Variants in SGCZ observed in about 807,000 individuals in gnomAD.
The protein encoded by SGCZ is sarcoglycan zeta, also known as zeta-sarcoglycan.
A neutral mutation model predicts 41.3 loss-of-function variants in SGCZ; 40 were observed. The ratio of observed to expected loss-of-function variants is 0.97; its 90% CI spans 0.75 to 1.26. The LOEUF (loss-of-function observed/expected upper bound fraction) is 1.26. Among genes scored for constraint, SGCZ ranks in the 50% most tolerant of loss-of-function variants. The probability of loss-of-function intolerance (pLI) is 0.00; values close to 1 mark genes in which losing one functional copy is unlikely to be tolerated. For synonymous variants in SGCZ, 206 were observed against 137.5 expected, an observed-to-expected ratio of 1.50 and a Z score of -3.49; for missense variants, 552 against 369.8, an observed-to-expected ratio of 1.49 and a Z score of -4.04.
At chr8:14,449,077 A>C (rs1800516393) in intron 2 of SGCZ, among the ~76,000 whole-genome samples, 1 of 152,174 alleles carries the variant, frequency 6.6e-6, no homozygotes. Context: ...TCAGGATGCA[A>C]AACAAGTCCT....
intron 2 of SGCZ, among the ~76,000 whole-genome samples, chr8:14,506,440 C>T (rs1351895647): frequency 1.3e-5 from 2 of 151,874 alleles, no homozygotes; most frequent in Non-Finnish European, 2.9e-5. Context: ...TATCCTATTG[C>T]CATTAAATAA....
Position 14,791,776 on chromosome 8 carries a change from C to T in SGCZ, c.40-236850G>A, listed in dbSNP as rs546945808. ...CCCCATGAAGCAAGAGCTATAGGTT[C>T]CAATGAGCAGTTCTGAATCATCAGT... On this transcript the variant is annotated intron_variant, in intron 1 of 7. Transcript: ENST00000382080. Among the ~76,000 whole-genome samples the T allele has an allele frequency of 2.6e-5, 4 of 152,238 alleles. No homozygotes were observed. In the East Asian group the frequency reaches 7.7e-4, roughly 29 times the overall value.
intron 1 of SGCZ, among the ~76,000 whole-genome samples, chr8:14,769,931 G>T (rs911541453): frequency 3.3e-5 from 5 of 150,252 alleles, no homozygotes; most frequent in African/African-American, 1.2e-4. Context: ...CAGGCATAAA[G>T]ATGCAACTCA....
intron 2 of SGCZ, among the ~76,000 whole-genome samples, chr8:14,553,445 C>T (rs1357933701): frequency 6.6e-6 from 1 of 152,066 alleles, no homozygotes; most frequent in Non-Finnish European, 1.5e-5. Context: ...AATATTGACT[C>T]CTGGCCAACT....
At chr8:15,055,599 G>A (rs923124981) in intron 1 of SGCZ, among the ~76,000 whole-genome samples, 1 of 152,142 alleles carries the variant, frequency 6.6e-6, no homozygotes, top group Non-Finnish European at 1.5e-5. Flanking sequence ...GACTGAGAAG[G>A]CCAGAGCCTG....
chr8:14,857,494 C>G (rs1399273124), intron 1 of SGCZ, among the ~76,000 whole-genome samples: 1 of 152,134 alleles, frequency 6.6e-6, no homozygotes, highest in Non-Finnish European at 1.5e-5. Flanking sequence ...AGTATTAAAA[C>G]TATTATTTCA....
At chr8:14,734,139 A>T (rs1165469936) in intron 1 of SGCZ, among the ~76,000 whole-genome samples, 1 of 152,194 alleles carries the variant, frequency 6.6e-6, no homozygotes, top group Non-Finnish European at 1.5e-5. Flanking sequence ...CAGGGCTCTG[A>T]CATATATTTA....
chr8:14,769,793 T>TAAAAAAAAAAAAAAAAAAAAAAACAAAAA (rs565416806), intron 1 of SGCZ, among the ~76,000 whole-genome samples: 1 of 52,198 alleles, frequency 1.9e-5, no homozygotes, highest in Non-Finnish European at 3.2e-5. Context: ...AAAACACCAT[T>TAAAAAAAAAAAAAAAAAAAAAAACAAAAA]AAAAAAAAAA....
intron 1 of SGCZ, among the ~76,000 whole-genome samples, chr8:14,813,106 G>A (rs1432169174): frequency 6.6e-6 from 1 of 152,062 alleles, no homozygotes; most frequent in East Asian, 1.9e-4. Flanking sequence ...ATGAAAACCT[G>A]ATGCATTGCA....
intron 1 of SGCZ, among the ~76,000 whole-genome samples, chr8:14,733,857 C>T (rs2130249700): frequency 6.6e-6 from 1 of 152,158 alleles, no homozygotes; most frequent in East Asian, 1.9e-4. Context: ...GGCTTTGAAA[C>T]CACATTTGTT....
chr8:14,335,723 C>A (rs1366533514), intron 2 of SGCZ, among the ~76,000 whole-genome samples: 1 of 152,024 alleles, frequency 6.6e-6, no homozygotes, highest in Non-Finnish European at 1.5e-5. Context: ...AAGATATCTT[C>A]CATACAAGCT....
chr8:14,305,407 A>G (rs561023532), intron 3 of SGCZ, among the ~76,000 whole-genome samples: 1 of 152,180 alleles, frequency 6.6e-6, no homozygotes. Flanking sequence ...AAGACTTTTC[A>G]AAAATCTCAA....
intron 1 of SGCZ, among the ~76,000 whole-genome samples, chr8:15,134,777 A>T (rs1808047016): frequency 6.6e-6 from 1 of 152,222 alleles, no homozygotes; most frequent in Non-Finnish European, 1.5e-5. Flanking sequence ...TGATCAAATG[A>T]GTTTGGAAAA....
intron 1 of SGCZ, among the ~76,000 whole-genome samples, chr8:14,800,788 T>A (rs727387): frequency 1.3e-5 from 2 of 151,908 alleles, no homozygotes; most frequent in African/African-American, 4.8e-5. Context: ...GTGTCTAGTA[T>A]GTTTTATAGC....
intron 1 of SGCZ, among the ~76,000 whole-genome samples, chr8:14,692,072 T>C (rs2117573197): frequency 6.6e-6 from 1 of 152,124 alleles, no homozygotes; most frequent in East Asian, 1.9e-4. Context: ...AACAACATAT[T>C]CTACTATTTT....
chr8:14,628,528 C>A (rs1806538103), intron 1 of SGCZ, among the ~76,000 whole-genome samples: 1 of 152,054 alleles, frequency 6.6e-6, no homozygotes, highest in Non-Finnish European at 1.5e-5. Context: ...GGCCTACCCT[C>A]AAGTCCTCAA....
intron 2 of SGCZ, among the ~76,000 whole-genome samples, chr8:14,470,605 T>C (rs1276661156): frequency 6.6e-6 from 1 of 152,146 alleles, no homozygotes; most frequent in East Asian, 1.9e-4. Flanking sequence ...TTTTTATCCA[T>C]TTATTTTCTG....
At chr8:14,147,316 G>A (rs529118569) in intron 5 of SGCZ, among the ~76,000 whole-genome samples, 1 of 152,142 alleles carries the variant, frequency 6.6e-6, no homozygotes, top group South Asian at 2.1e-4. Flanking sequence ...TTGCCTCCAA[G>A]AAACACACTT....
At chr8:15,045,821 C>A (rs1804280813) in intron 1 of SGCZ, among the ~76,000 whole-genome samples, 1 of 151,950 alleles carries the variant, frequency 6.6e-6, no homozygotes, top group Non-Finnish European at 1.5e-5. Context: ...CAGACACCAT[C>A]CAATCAAACA....
Sources: gnomAD v4.1 joint callset for allele counts (sites outside exome capture counted in the v4.1 genomes callset) on GRCh38, gnomAD v4.1.1 for gene constraint, MANE v1.5 for transcripts, NCBI Gene and HGNC (gene_info 2026-07-23, HGNC 2026-07-21) for gene names.